The following AKAP6 variants were observed in gnomAD, a reference collection of about 807,000 sequenced individuals.
AKAP6 encodes A-kinase anchoring protein 6.
AKAP6 carries 58 observed loss-of-function variants against 188.5 expected under a neutral mutation model. The ratio of observed to expected loss-of-function variants is 0.31; its 90% CI spans 0.25 to 0.38. The LOEUF is 0.38. AKAP6 is among the 10% of genes least tolerant of loss of function. The pLI, the probability that AKAP6 is intolerant of heterozygous loss-of-function variation, is 1.00. For missense variants in AKAP6, 2,710 were observed against 2,740.0 expected (o/e 0.99, Z 0.24); for synonymous variants, 989 against 998.6 (o/e 0.99, Z 0.18).
chr14:32,681,113 G>A (rs1465387306), intron 8 of AKAP6, among the ~76,000 whole-genome samples: 2 of 152,190 alleles, frequency 1.3e-5, no homozygotes, highest in Non-Finnish European at 2.9e-5. Flanking sequence ...TATTCATTGA[G>A]GGCCTACTAT....
intron 7 of AKAP6, among the ~76,000 whole-genome samples, chr14:32,603,279 G>A (rs1247156620): frequency 6.6e-6 from 1 of 152,030 alleles, no homozygotes; most frequent in Non-Finnish European, 1.5e-5. Context: ...GGTGGGATGA[G>A]TGGGGCTAGG....
intron 9 of AKAP6, among the ~76,000 whole-genome samples, chr14:32,726,373 A>C (rs1168109774): frequency 6.6e-6 from 1 of 152,244 alleles, no homozygotes; most frequent in African/African-American, 2.4e-5. Context: ...ATAGAAAAAG[A>C]AAAGAAAAAG....
At chr14:32,671,624 G>A (rs749266431) in intron 7 of AKAP6, among the ~76,000 whole-genome samples, 76 of 152,074 alleles carry the variant, frequency 5.0e-4, no homozygotes, top group Non-Finnish European at 9.9e-4. Flanking sequence ...TCTTTGTGTA[G>A]GTCAGGGAAG....
chr14:32,457,234 T>C (rs1891176310), intron 2 of AKAP6, among the ~76,000 whole-genome samples: 1 of 152,190 alleles, frequency 6.6e-6, no homozygotes, highest in African/African-American at 2.4e-5. Context: ...GAGTAGGGCC[T>C]GAGGAAATCC....
chr14:32,603,619 A>G (rs1886019226), intron 7 of AKAP6, among the ~76,000 whole-genome samples: 1 of 152,190 alleles, frequency 6.6e-6, no homozygotes, highest in African/African-American at 2.4e-5. Flanking sequence ...AGGCACCAAG[A>G]AGACCCTTTT....
intron 7 of AKAP6, among the ~76,000 whole-genome samples, chr14:32,676,600 TTGAG>T (rs757779277): frequency 6.0e-4 from 91 of 152,202 alleles, no homozygotes; most frequent in African/African-American, 2.1e-3. Context: ...CTTAATCCAA[TTGAG>T]TGTCTTCTTA....
intron 7 of AKAP6, among the ~76,000 whole-genome samples, chr14:32,617,714 C>G (rs1240896855): frequency 6.6e-6 from 1 of 152,200 alleles, no homozygotes; most frequent in African/African-American, 2.4e-5. Context: ...CAACCTTTGC[C>G]TCCCAGGTTT....
chr14:32,498,333 G>T (rs1880432431), intron 2 of AKAP6, among the ~76,000 whole-genome samples: 1 of 95,072 alleles, frequency 1.1e-5, no homozygotes, highest in Admixed American at 1.2e-4. Context: ...TGAGTTAGGT[G>T]CAGGAGCCAT....
chr14:32,359,246 C>T (rs56272748), intron 1 of AKAP6, among the ~76,000 whole-genome samples: 11,463 of 152,020 alleles, frequency 0.075, 528 homozygotes, highest in Non-Finnish European at 0.085. Flanking sequence ...GGAGCCTTTT[C>T]CAAAAAGTTG....
chr14:32,793,897 A>G (rs947046475), intron 12 of AKAP6, among the ~76,000 whole-genome samples: 1 of 152,120 alleles, frequency 6.6e-6, no homozygotes, highest in Non-Finnish European at 1.5e-5. Flanking sequence ...CCACACAATA[A>G]TAGTGGGAAA....
chr14:32,590,933 T>C (rs939465948), intron 5 of AKAP6, among the ~76,000 whole-genome samples: 27 of 152,194 alleles, frequency 1.8e-4, no homozygotes, highest in African/African-American at 6.5e-4. Context: ...CTCAAATGCA[T>C]GAAACATGTG....
intron 12 of AKAP6, among the ~76,000 whole-genome samples, chr14:32,798,462 G>A (rs1355888578): frequency 6.6e-6 from 1 of 152,048 alleles, no homozygotes; most frequent in African/African-American, 2.4e-5. Context: ...GCAAAGACAT[G>A]GAATCAACCT....
chr14:32,568,591 G>T lies in AKAP6; in HGVS notation c.2347-8529G>T, dbSNP rs930758458. On this transcript the variant is annotated intron_variant, in intron 4 of 13. Transcript: ENST00000280979. This position sits in a 1 kb window ranked among gnomAD's most constrained non-coding sequence, Gnocchi z 6.2. ...ATCTGATCTGCTTATCCAGTGTCTT[G>T]GAGGATTGGGGGTGCTTGAAGCAAG... 1.3e-5 allele frequency among the ~76,000 whole-genome samples: 2 copies of T among 152,112 alleles called. No individual in the cohort carries two copies. Among genetic ancestry groups the T allele is most frequent in the Non-Finnish European group, 2.9e-5 (2 of 68,024 alleles).
intron 7 of AKAP6, among the ~76,000 whole-genome samples, chr14:32,638,770 A>T (rs1344142488): frequency 1.3e-5 from 2 of 152,068 alleles, no homozygotes; most frequent in Admixed American, 1.3e-4. Flanking sequence ...GAATGAACAG[A>T]ACCTGGTTCC....
At chr14:32,736,020 C>T in intron 11 of AKAP6, 138 bp downstream of exon 11, 1 of 644,146 alleles carries the variant, frequency 1.6e-6, no homozygotes, top group Non-Finnish European at 2.6e-6. Flanking sequence ...TTATAGACAA[C>T]CTCCACATTT....
intron 2 of AKAP6, among the ~76,000 whole-genome samples, chr14:32,501,767 CCTT>C (rs1880620148): frequency 6.6e-6 from 1 of 152,008 alleles, no homozygotes; most frequent in Non-Finnish European, 1.5e-5. Context: ...ATCAGACTGC[CCTT>C]CTTTCTTTCC....
chr14:32,338,194 A>G (rs1886777438), intron 1 of AKAP6, among the ~76,000 whole-genome samples: 1 of 152,176 alleles, frequency 6.6e-6, no homozygotes, highest in African/African-American at 2.4e-5. Flanking sequence ...AAATTCTTTA[A>G]GAAAATAACA....
intron 11 of AKAP6, among the ~76,000 whole-genome samples, chr14:32,770,815 A>G (rs1451734742): frequency 2.0e-5 from 3 of 152,230 alleles, no homozygotes; most frequent in Admixed American, 6.5e-5. Context: ...CCTTGAGGGT[A>G]AAAGGGAACT....
At position 32,419,771 on chromosome 14, in the gene AKAP6, T is replaced by TA. The variant is rs199497944; in HGVS notation, c.-34-13680dup. 2.0e-3 allele frequency among the ~76,000 whole-genome samples: 296 copies of TA among 151,270 alleles called. 2 individuals are homozygous for TA. Among genetic ancestry groups the TA allele is most frequent in the East Asian group, 2.1e-3 (11 of 5,164 alleles). ...TTGAGTCACAGTGAGCATTTTGTAT[T>TA]AAAAAAAAATACAATGTTTTAGGAG... On this transcript the variant is annotated intron_variant, in intron 1 of 13. Transcript: ENST00000280979.
Sources: allele counts gnomAD v4.1 joint callset (sites outside exome capture counted in the v4.1 genomes callset), GRCh38; gene constraint gnomAD v4.1.1; non-coding constraint Gnocchi (gnomAD v3.1); transcripts MANE v1.5; gene names NCBI Gene and HGNC (gene_info 2026-07-23, HGNC 2026-07-21).